OTUD7A: variants seen among roughly 807,000 people sequenced by gnomAD.
OTUD7A encodes OTU domain-containing protein 7A.
In OTUD7A, 12 loss-of-function variants were observed where a neutral mutation model predicts 65.7. That is an observed-to-expected ratio of 0.18 (90% confidence interval 0.12 to 0.30). The LOEUF (loss-of-function observed/expected upper bound fraction) is 0.30, where lower values mean the gene tolerates loss of function less well. Ranked by LOEUF, OTUD7A falls within the 10% of genes least tolerant of loss-of-function variation. OTUD7A has a pLI of 1.00. For synonymous variants in OTUD7A, 641 were observed against 586.3 expected, an observed-to-expected ratio of 1.09 and a Z score of -1.35; for missense variants, 1,148 against 1,304.8, an observed-to-expected ratio of 0.88 and a Z score of 1.85.
At chr15:31,815,204 C>T (rs184752502) in intron 1 of OTUD7A, among the ~76,000 whole-genome samples, 13 of 152,298 alleles carry the variant, frequency 8.5e-5, no homozygotes, top group Admixed American at 8.5e-4. Context: ...CCAAACACCC[C>T]CTGCCAGGAC....
chr15:31,528,751 GC>G (rs1004666572), intron 6 of OTUD7A, among the ~76,000 whole-genome samples: 2 of 152,224 alleles, frequency 1.3e-5, no homozygotes, highest in African/African-American at 2.4e-5. Flanking sequence ...TTCTATATGT[GC>G]CCCACAATCC....
intron 1 of OTUD7A, among the ~76,000 whole-genome samples, chr15:31,794,520 G>T (rs1595773631): frequency 1.4e-5 from 1 of 70,010 alleles, no homozygotes; most frequent in South Asian, 4.4e-4. Context: ...GGGAGGGTGG[G>T]AGAAAGCCAC....
intron 1 of OTUD7A, among the ~76,000 whole-genome samples, chr15:31,827,471 T>C (rs888532295): frequency 6.6e-5 from 10 of 152,234 alleles, no homozygotes; most frequent in Admixed American, 5.2e-4. Context: ...TATGGGAGTA[T>C]GATTCAAGAT....
chr15:31,720,454 C>T (rs575799441), intron 1 of OTUD7A, among the ~76,000 whole-genome samples: 13 of 147,952 alleles, frequency 8.8e-5, no homozygotes, highest in African/African-American at 2.3e-4. Flanking sequence ...GGCTGGAGTG[C>T]GGTGGCGCGC....
intron 1 of OTUD7A, among the ~76,000 whole-genome samples, chr15:31,859,523 G>C (rs1320930749): frequency 6.6e-6 from 1 of 152,220 alleles, no homozygotes; most frequent in East Asian, 1.9e-4. Context: ...CCTTGCAGAT[G>C]TCTTTCAATT....
At chr15:31,743,494 T>C (rs2141375251) in intron 1 of OTUD7A, among the ~76,000 whole-genome samples, 1 of 152,200 alleles carries the variant, frequency 6.6e-6, no homozygotes, top group East Asian at 1.9e-4. Flanking sequence ...AAATGAGGAA[T>C]GGCTTAAAAT....
At chr15:31,849,514 C>T (rs1020555794) in intron 1 of OTUD7A, among the ~76,000 whole-genome samples, 1 of 152,168 alleles carries the variant, frequency 6.6e-6, no homozygotes, top group African/African-American at 2.4e-5. Flanking sequence ...ATGACTAAAA[C>T]ACCAAAAGCA....
At chr15:31,858,873 G>A (rs1288029397) in intron 1 of OTUD7A, among the ~76,000 whole-genome samples, 1 of 152,190 alleles carries the variant, frequency 6.6e-6, no homozygotes, top group Non-Finnish European at 1.5e-5. Context: ...CCAGGTGAGG[G>A]GCAGTCACAT....
At chr15:31,868,893 C>T (rs1174993291) in intron 1 of OTUD7A, among the ~76,000 whole-genome samples, 1 of 152,162 alleles carries the variant, frequency 6.6e-6, no homozygotes, top group Non-Finnish European at 1.5e-5. Flanking sequence ...GATTGAAGTT[C>T]CTAACCAGGT....
intron 1 of OTUD7A, among the ~76,000 whole-genome samples, chr15:31,852,104 T>C (rs1369636563): frequency 6.6e-6 from 1 of 152,150 alleles, no homozygotes; most frequent in Non-Finnish European, 1.5e-5. Context: ...TGATCCGCCC[T>C]CCTTGGCCTC....
chr15:31,599,026 C>T (rs565893693), intron 3 of OTUD7A, among the ~76,000 whole-genome samples: 69 of 152,328 alleles, frequency 4.5e-4, no homozygotes, highest in African/African-American at 1.3e-3. Context: ...ATAGATAAAA[C>T]TCCCATCTCC....
intron 1 of OTUD7A, among the ~76,000 whole-genome samples, chr15:31,850,117 T>A (rs1410140751): frequency 1.3e-5 from 2 of 152,208 alleles, no homozygotes; most frequent in African/African-American, 4.8e-5. Flanking sequence ...ACATGTATGT[T>A]TACTGCAGCA....
chr15:31,831,477 G>A (rs187136017), intron 1 of OTUD7A, among the ~76,000 whole-genome samples: 5 of 152,288 alleles, frequency 3.3e-5, no homozygotes, highest in African/African-American at 7.2e-5. Flanking sequence ...TGAGAACTGC[G>A]ATGAAACCCA....
intron 1 of OTUD7A, among the ~76,000 whole-genome samples, chr15:31,820,829 T>C (rs1418027604): frequency 6.6e-6 from 1 of 152,220 alleles, no homozygotes; most frequent in Non-Finnish European, 1.5e-5. Context: ...AATTCACCCA[T>C]TTAATGTGCA....
intron 8 of OTUD7A, among the ~76,000 whole-genome samples, chr15:31,512,769 G>A (rs769073070): frequency 3.9e-5 from 6 of 152,222 alleles, no homozygotes; most frequent in Non-Finnish European, 8.8e-5. Flanking sequence ...TGCTTGCTTG[G>A]ACTAGTATAA....
intron 10 of OTUD7A, among the ~76,000 whole-genome samples, chr15:31,490,426 T>C (rs1408161916): frequency 6.6e-6 from 1 of 152,236 alleles, no homozygotes; most frequent in Non-Finnish European, 1.5e-5. Flanking sequence ...TTGTCTCCGA[T>C]GTGAAAAGCT....
At chr15:31,704,930 G>A (rs571940851) in intron 1 of OTUD7A, among the ~76,000 whole-genome samples, 166 of 151,422 alleles carry the variant, frequency 1.1e-3, no homozygotes, top group African/African-American at 3.6e-3. Context: ...TGGATACGCC[G>A]TGGATTTCAT....
At chr15:31,639,387 T>C (rs1316611504) in intron 3 of OTUD7A, among the ~76,000 whole-genome samples, 9 of 150,506 alleles carry the variant, frequency 6.0e-5, no homozygotes, top group Admixed American at 4.6e-4. Context: ...AGTGTATGTA[T>C]CTACCACCAT....
intron 3 of OTUD7A, among the ~76,000 whole-genome samples, chr15:31,583,727 A>C (rs1005461462): frequency 1.3e-5 from 2 of 151,860 alleles, no homozygotes; most frequent in Non-Finnish European, 2.9e-5. Flanking sequence ...TTTCTTTATA[A>C]ATTACCCAGT....
Sources: gnomAD v4.1 joint callset for allele counts (sites outside exome capture counted in the v4.1 genomes callset) on GRCh38, gnomAD v4.1.1 for gene constraint, MANE v1.5 for transcripts, NCBI Gene and HGNC (gene_info 2026-07-23, HGNC 2026-07-21) for gene names.